ANKRD13C: variants seen among roughly 807,000 people sequenced by gnomAD.
ANKRD13C encodes the protein ankyrin repeat domain 13C.
In ANKRD13C, 16 loss-of-function variants were observed where a neutral mutation model predicts 65.5. The observed-to-expected ratio is 0.24, with a 90% CI of 0.17 to 0.37. The LOEUF (loss-of-function observed/expected upper bound fraction) is 0.37, where lower values mean the gene tolerates loss of function less well. ANKRD13C is among the 10% of genes least tolerant of loss of function. ANKRD13C has a pLI of 1.00. For synonymous variants in ANKRD13C, 235 were observed against 238.7 expected, an observed-to-expected ratio of 0.98 and a Z score of 0.14; for missense variants, 503 against 655.9, an observed-to-expected ratio of 0.77 and a Z score of 2.55.
intron 10 of ANKRD13C, among the ~76,000 whole-genome samples, chr1:70,275,461 A>T (rs1488416262): frequency 6.6e-6 from 1 of 151,994 alleles, no homozygotes; most frequent in Non-Finnish European, 1.5e-5. Flanking sequence ...TTAAAAAAAC[A>T]GAAGACTTAG....
chr1:70,353,956 G>T, intron 1 of ANKRD13C, 23 bp downstream of exon 1: 1 of 1,499,828 alleles, frequency 6.7e-7, no homozygotes. Context: ...GGAGAGAGGT[G>T]GAGAGGGGCT....
intron 3 of ANKRD13C, among the ~76,000 whole-genome samples, chr1:70,321,465 G>A (rs115194616): frequency 5.9e-5 from 9 of 152,214 alleles, no homozygotes; most frequent in South Asian, 2.1e-4. Context: ...TAACACCTTT[G>A]ATGTGCCACA....
At chr1:70,348,599 A>AT (rs958878216) in intron 1 of ANKRD13C, among the ~76,000 whole-genome samples, 17 of 151,962 alleles carry the variant, frequency 1.1e-4, no homozygotes, top group African/African-American at 3.9e-4. Flanking sequence ...TGAAATTGAG[A>AT]TTTTTTCCAA....
intron 1 of ANKRD13C, among the ~76,000 whole-genome samples, chr1:70,344,188 T>A (rs1486764121): frequency 1.3e-5 from 2 of 151,122 alleles, no homozygotes; most frequent in Non-Finnish European, 2.9e-5. Context: ...GTCCCAGCTA[T>A]TCAGGAGGCT....
In ANKRD13C at chr1:70,346,961, G is replaced by A. The variant is rs1166607190; in HGVS notation, c.430+7018C>T. On this transcript the variant is annotated intron_variant, in intron 1 of 12. Transcript: ENST00000370944. Reference sequence around the variant, plus strand: ...CAAAAAACTAGCCGGGCGTGGTGGCGGGCGCCTGTAGTCCCAGCTACTCGG... The same window carrying A: ...CAAAAAACTAGCCGGGCGTGGTGGCAGGCGCCTGTAGTCCCAGCTACTCGG... Among the ~76,000 whole-genome samples, 4 of 151,870 alleles carry A rather than the reference G, an allele frequency of 2.6e-5. No individual in the cohort carries two copies. The East Asian group carries it at 7.8e-4, about 29-fold the overall frequency.
chr1:70,284,829 C>G (rs1679544908), intron 9 of ANKRD13C, among the ~76,000 whole-genome samples: 1 of 152,148 alleles, frequency 6.6e-6, no homozygotes, highest in Non-Finnish European at 1.5e-5. Flanking sequence ...AAGCCAATAT[C>G]AATAAGAAAG....
chr1:70,262,902 A>C, intron 12 of ANKRD13C, 55 bp from the exon 13 acceptor site: 1 of 1,434,122 alleles, frequency 7.0e-7, no homozygotes, highest in Admixed American at 1.8e-5. Flanking sequence ...ATATTCATAG[A>C]CTACAAAGTA....
In ANKRD13C at chr1:70,354,595, A is replaced by C. The variant is rs561736987; in HGVS notation, c.-187T>G. The C allele has an allele frequency of 7.4e-7, 1 of 1,358,460 alleles. No homozygotes were observed. Among genetic ancestry groups the C allele is most frequent in the Admixed American group, 2.9e-5 (1 of 34,724 alleles). The allele number at this position is 1,358,460 out of a possible 1,614,324, so 84.2% of individuals were successfully genotyped here. ...AGAGCCGGCTCTCGCCTAGGCACGA[A>C]GGGACGCGCGCTCGCTGGGGGAAGC... On this transcript the variant is annotated 5_prime_UTR_variant, in exon 1 of 13. Transcript: ENST00000370944.
At chr1:70,271,315 C>T (rs1302407332) in intron 11 of ANKRD13C, among the ~76,000 whole-genome samples, 1 of 152,112 alleles carries the variant, frequency 6.6e-6, no homozygotes, top group Non-Finnish European at 1.5e-5. Flanking sequence ...ATGATTGCTT[C>T]TTATCTTTAA....
At position 70,318,679 on chromosome 1, in the gene ANKRD13C, GTTTTTTTT is replaced by G. The variant is rs11337993; in HGVS notation, c.578-3121_578-3114del. ...AATCCATTCTGTTAAATCAATCTTT[GTTTTTTTT>G]TTTTTTTTTTTTTTGAGACGGAGTC... On this transcript the variant is annotated intron_variant, in intron 3 of 12. Coordinates refer to ENST00000370944, the MANE Select transcript of ANKRD13C (RefSeq NM_030816.5). Among the ~76,000 whole-genome samples, 7 of 94,230 alleles carry G rather than the reference GTTTTTTTT, an allele frequency of 7.4e-5. No individual in the cohort carries two copies. In the East Asian group the frequency reaches 2.2e-3, roughly 30 times the overall value. The allele number at this position is 94,230 out of a possible 152,430, so 61.8% of individuals were successfully genotyped here. A position where few individuals can be genotyped will look rare whatever the true frequency, so the allele number is the denominator to read the frequency against.
chr1:70,327,209 T>C (rs1044553688), intron 2 of ANKRD13C, among the ~76,000 whole-genome samples: 5 of 152,330 alleles, frequency 3.3e-5, no homozygotes, highest in Non-Finnish European at 7.4e-5. Flanking sequence ...TGGCAATTAA[T>C]GATGAAATAA....
At chr1:70,318,055 A>T (rs766995012) in intron 3 of ANKRD13C, among the ~76,000 whole-genome samples, 11 of 152,220 alleles carry the variant, frequency 7.2e-5, no homozygotes, top group Non-Finnish European at 1.6e-4. Context: ...ATAATAACAT[A>T]TGCGAAGAGA....
At chr1:70,337,670 CTCTTGA>C (rs1023369192) in intron 1 of ANKRD13C, among the ~76,000 whole-genome samples, 1 of 152,118 alleles carries the variant, frequency 6.6e-6, no homozygotes, top group Non-Finnish European at 1.5e-5. Flanking sequence ...TACAGAAAAT[CTCTTGA>C]TCTTAACTAG....
At chr1:70,284,437 T>C (rs915131736) in intron 9 of ANKRD13C, among the ~76,000 whole-genome samples, 3 of 152,204 alleles carry the variant, frequency 2.0e-5, no homozygotes, top group African/African-American at 7.2e-5. Context: ...TACTAGTTTT[T>C]ACTACATTTA....
intron 2 of ANKRD13C, among the ~76,000 whole-genome samples, chr1:70,328,019 T>C (rs962455560): frequency 1.3e-5 from 2 of 151,814 alleles, no homozygotes; most frequent in East Asian, 3.9e-4. Context: ...GAGCCGAGAC[T>C]GTACCACTGA....
chr1:70,316,562 C>T (rs1161134168), intron 3 of ANKRD13C, among the ~76,000 whole-genome samples: 1 of 151,572 alleles, frequency 6.6e-6, no homozygotes, highest in African/African-American at 2.4e-5. Flanking sequence ...ATGGTGTGTA[C>T]CTGTGGTCCT....
intron 2 of ANKRD13C, among the ~76,000 whole-genome samples, chr1:70,331,082 C>A (rs1478273546): frequency 1.3e-5 from 2 of 152,180 alleles, no homozygotes; most frequent in African/African-American, 2.4e-5. Flanking sequence ...ATAAAAGATT[C>A]TCTTTACCTC....
chr1:70,349,755 C>T (rs189274908), intron 1 of ANKRD13C, among the ~76,000 whole-genome samples: 32 of 151,904 alleles, frequency 2.1e-4, no homozygotes, highest in South Asian at 6.2e-4. Context: ...TAAAGTCCTG[C>T]GTTGAGGTTA....
At chr1:70,305,079 G>T (rs1011067353) in intron 6 of ANKRD13C, among the ~76,000 whole-genome samples, 1 of 151,904 alleles carries the variant, frequency 6.6e-6, no homozygotes, top group African/African-American at 2.4e-5. Flanking sequence ...GCAATATAGT[G>T]AGACCCTATC....
Sources: gnomAD v4.1 joint callset for allele counts (sites outside exome capture counted in the v4.1 genomes callset) on GRCh38, gnomAD v4.1.1 for gene constraint, MANE v1.5 for transcripts, NCBI Gene and HGNC (gene_info 2026-07-23, HGNC 2026-07-21) for gene names.